ARHGAP26: variants seen among roughly 807,000 people sequenced by gnomAD.
ARHGAP26 encodes the protein Rho GTPase activating protein 26.
A neutral mutation model predicts 104.8 loss-of-function variants in ARHGAP26; 38 were observed. The observed-to-expected ratio is 0.36, with a 90% CI of 0.28 to 0.48. The LOEUF (loss-of-function observed/expected upper bound fraction) is 0.48. ARHGAP26 is among the 20% of genes least tolerant of loss of function. The pLI, the probability that ARHGAP26 is intolerant of heterozygous loss-of-function variation, is 0.99. For synonymous variants in ARHGAP26, 341 were observed against 340.0 expected, an observed-to-expected ratio of 1.00 and a Z score of -0.03; for missense variants, 704 against 947.9, an observed-to-expected ratio of 0.74 and a Z score of 3.38.
chr5:142,890,144 AAAAAAAAATATATATATATAT>A lies in ARHGAP26; in HGVS notation c.487-4092_487-4072del, dbSNP rs1439582983. Among the ~76,000 whole-genome samples the A allele has an allele frequency of 5.3e-4, 47 of 89,208 alleles. 1 individual carries two copies. Among genetic ancestry groups the A allele is most frequent in the African/African-American group, 2.2e-3 (45 of 20,892 alleles). The allele number at this position is 89,208 out of a possible 152,430, so 58.5% of individuals were successfully genotyped here. ...AGAGCGAAACTCCGTCTTAAAAAAA[AAAAAAAAATATATATATATAT>A]ATATATATATATATATATATATATA... On this transcript the variant is annotated intron_variant, in intron 5 of 22. Transcript: ENST00000645722.
At chr5:143,149,404 C>A (rs533184117) in intron 20 of ARHGAP26, among the ~76,000 whole-genome samples, 1 of 152,220 alleles carries the variant, frequency 6.6e-6, no homozygotes, top group South Asian at 2.1e-4. Context: ...TCTGCCATGG[C>A]CCTGAGTGAG....
intron 20 of ARHGAP26, among the ~76,000 whole-genome samples, chr5:143,153,932 G>A (rs1374762263): frequency 6.6e-6 from 1 of 152,130 alleles, no homozygotes; most frequent in Non-Finnish European, 1.5e-5. Flanking sequence ...GATAAACAAG[G>A]CCTGCGTCCA....
chr5:142,968,914 G>A (rs1357339835), intron 11 of ARHGAP26, among the ~76,000 whole-genome samples: 1 of 152,132 alleles, frequency 6.6e-6, no homozygotes, highest in Non-Finnish European at 1.5e-5. Context: ...TGTTTAAGTA[G>A]TCATTTTTTA....
intron 10 of ARHGAP26, among the ~76,000 whole-genome samples, chr5:142,924,780 A>G (rs1172485668): frequency 2.0e-5 from 3 of 152,234 alleles, no homozygotes; most frequent in Non-Finnish European, 4.4e-5. Context: ...GTAGATTACC[A>G]TTGCCTTCCA....
Position 143,021,481 on chromosome 5 carries a change from A to G in ARHGAP26, c.1144+7365A>G, listed in dbSNP as rs182927263. 1.4e-3 allele frequency among the ~76,000 whole-genome samples: 216 copies of G among 152,344 alleles called. 1 individual carries two copies. Among genetic ancestry groups the G allele is most frequent in the Middle Eastern group, 3.4e-3 (1 of 294 alleles). On this transcript the variant is annotated intron_variant, in intron 12 of 22. Transcript: ENST00000645722. ...ATTTCATCAGTTATTGGCCTTGTAC[A>G]TCAGCCTTTGTACGTATCTCAGATC... is the stretch of plus-strand genomic sequence containing the variant.
intron 5 of ARHGAP26, among the ~76,000 whole-genome samples, chr5:142,894,023 TG>T (rs1280798708): frequency 1.3e-5 from 2 of 152,030 alleles, no homozygotes; most frequent in African/African-American, 4.8e-5. Context: ...GCTTTTTTTT[TG>T]TTTTAAAAAA....
chr5:142,931,887 A>C (rs35130858), intron 10 of ARHGAP26, among the ~76,000 whole-genome samples, 160 bp from the exon 11 acceptor site: 5,892 of 152,176 alleles, frequency 0.039, 244 homozygotes, highest in East Asian at 0.13. Context: ...ATCCTTTCTG[A>C]GAGTAGAAGG....
At chr5:143,014,349 T>C (rs1019976182) in intron 12 of ARHGAP26, 5 of 584,046 alleles carry the variant, frequency 8.6e-6, no homozygotes, top group Non-Finnish European at 1.5e-5. Context: ...ATTGAAATAA[T>C]GGGTCACACT....
intron 17 of ARHGAP26, among the ~76,000 whole-genome samples, chr5:143,090,827 G>A (rs1791311769): frequency 6.6e-6 from 1 of 152,202 alleles, no homozygotes; most frequent in African/African-American, 2.4e-5. Context: ...TGGGGAGCAA[G>A]ACTCCTGGTT....
rs1044049009 is a variant in ARHGAP26 at position 142,851,971 on chromosome 5, T to C, written c.155-21429T>C. On this transcript the variant is annotated intron_variant, in intron 1 of 22. Transcript: ENST00000645722. Reference sequence around the variant, plus strand: ...TAGGCACACAGTCCCTCCCCAGTCTTGGAAAGATGATTCATGTTGACCAGA... The same window carrying C: ...TAGGCACACAGTCCCTCCCCAGTCTCGGAAAGATGATTCATGTTGACCAGA... Among the ~76,000 whole-genome samples, 6 of 152,208 alleles carry C rather than the reference T, an allele frequency of 3.9e-5. No individual in the cohort carries two copies. The South Asian group carries it at 6.2e-4, about 16-fold the overall frequency.
At chr5:142,913,369 C>A in intron 10 of ARHGAP26, 76 bp downstream of exon 10, 2 of 1,388,540 alleles carry the variant, frequency 1.4e-6, no homozygotes, top group Non-Finnish European at 2.0e-6. Context: ...TCCAGTCAAA[C>A]CTTTTCTGCT....
intron 17 of ARHGAP26, among the ~76,000 whole-genome samples, chr5:143,089,055 A>T (rs1283822170): frequency 6.6e-6 from 1 of 152,224 alleles, no homozygotes; most frequent in South Asian, 2.1e-4. Flanking sequence ...TTAAAAGTAG[A>T]AGGCAAATAA....
intron 17 of ARHGAP26, among the ~76,000 whole-genome samples, chr5:143,075,530 C>T (rs943859015): frequency 1.3e-5 from 2 of 152,010 alleles, no homozygotes; most frequent in Admixed American, 1.3e-4. Flanking sequence ...ATCACTGGGC[C>T]TCACTCAAGA....
chr5:143,022,466 T>C (rs145926292), intron 12 of ARHGAP26, among the ~76,000 whole-genome samples: 175 of 152,274 alleles, frequency 1.1e-3, no homozygotes, highest in African/African-American at 3.9e-3. Context: ...TTTATAGGAG[T>C]ATTCAACTCC....
intron 20 of ARHGAP26, among the ~76,000 whole-genome samples, chr5:143,193,011 G>A (rs917144162): frequency 3.9e-5 from 6 of 152,090 alleles, no homozygotes; most frequent in Non-Finnish European, 7.4e-5. Flanking sequence ...GTCAATGACT[G>A]TCTGAAAATA....
In ARHGAP26 at chr5:143,092,259, G is replaced by A. The variant is rs897126537; in HGVS notation, c.1539-28729G>A. Among the ~76,000 whole-genome samples, 3 of 151,048 alleles carry A rather than the reference G, an allele frequency of 2.0e-5. No individual in the cohort carries two copies. In the South Asian group the frequency reaches 6.3e-4, roughly 32 times the overall value. On this transcript the variant is annotated intron_variant, in intron 17 of 22. Coordinates refer to ENST00000645722, the MANE Select transcript of ARHGAP26 (RefSeq NM_001135608.3). ...GCTCACTGCAAGCTCCGCCTCCCAG[G>A]TTCACGCCATTCTCCTGCCTCGGCC...
intron 11 of ARHGAP26, among the ~76,000 whole-genome samples, chr5:142,932,809 T>C (rs975878550): frequency 1.3e-5 from 2 of 152,218 alleles, no homozygotes; most frequent in African/African-American, 4.8e-5. Context: ...TATAGAACTC[T>C]TTGCGTCAGG....
intron 11 of ARHGAP26, among the ~76,000 whole-genome samples, chr5:142,982,030 G>T (rs1774014663): frequency 6.6e-6 from 1 of 152,158 alleles, no homozygotes; most frequent in African/African-American, 2.4e-5. Context: ...CTTTTTTGCT[G>T]CTGCTGCATG....
At chr5:142,966,649 A>G (rs952360601) in intron 11 of ARHGAP26, among the ~76,000 whole-genome samples, 1 of 152,222 alleles carries the variant, frequency 6.6e-6, no homozygotes, top group Non-Finnish European at 1.5e-5. Flanking sequence ...GGAAAAATGT[A>G]TTCCAAGTCT....
Sources: gnomAD v4.1 joint callset for allele counts (sites outside exome capture counted in the v4.1 genomes callset) on GRCh38, gnomAD v4.1.1 for gene constraint, MANE v1.5 for transcripts, NCBI Gene and HGNC (gene_info 2026-07-23, HGNC 2026-07-21) for gene names.